HDAC6: variants seen among roughly 807,000 people sequenced by gnomAD.
HDAC6 encodes the protein histone deacetylase 6.
A neutral mutation model predicts 88.9 loss-of-function variants in HDAC6; 5 were observed. The ratio of observed to expected loss-of-function variants is 0.06; its 90% CI spans 0.03 to 0.12. The LOEUF is 0.12. Among genes scored for constraint, HDAC6 ranks in the 10% least tolerant of loss-of-function variants. HDAC6 has a pLI of 1.00. For missense variants in HDAC6, 706 were observed against 1,014.4 expected (o/e 0.70, Z 4.13); for synonymous variants, 378 against 398.0 (o/e 0.95, Z 0.60).
chrX:48,822,361 T>C (rs1557030213), intron 23 of HDAC6, among the ~76,000 whole-genome samples: 2 of 112,194 alleles, frequency 1.8e-5, no homozygotes. Flanking sequence ...AAACAATAAA[T>C]GTCAGCTGTT....
Position 48,823,549 on chromosome X carries a change from T to G in HDAC6, c.3150T>G (p.Ile1050Met). 8.3e-7 allele frequency: 1 copy of G among 1,209,853 alleles called. No homozygotes were observed. The highest frequency in any genetic ancestry group is 1.1e-6 in the Non-Finnish European group (1 of 894,585). ...CCCAGATATCTCCCAGTACACTGAT[T>G]GGGAGTCTCAGGACCTTGGAGCTAG... ...TTPQISPSTL[I>M]GSLRTLELGS... Residue 1050 changes from isoleucine to methionine, a missense_variant, in exon 25 of 29, where the codon ATT becomes ATG. This residue lies in a region of HDAC6 where 112 missense variants were observed against 95.1 expected (regional missense o/e 1.18). Transcript: ENST00000334136.
intron 22 of HDAC6, among the ~76,000 whole-genome samples, chrX:48,819,026 G>T (rs921304954): frequency 2.7e-5 from 3 of 112,210 alleles, no homozygotes; most frequent in African/African-American, 9.7e-5. Context: ...TGTGAGCACC[G>T]CTCTGTCACC....
At position 48,824,667 on chromosome X, in the gene HDAC6, GC is replaced by G. The variant is rs1490732524; in HGVS notation, c.*56del. On this transcript the variant is annotated 3_prime_UTR_variant, in exon 29 of 29. Coordinates refer to ENST00000334136, the MANE Select transcript of HDAC6 (RefSeq NM_006044.4). ...TGAGGCCCACGATAGACCAGCTGTAGCTCATTCCAGCCTGTACCTTGGATGA... is the reference window on the plus strand; with the variant it reads ...TGAGGCCCACGATAGACCAGCTGTAGTCATTCCAGCCTGTACCTTGGATGA... 1.7e-6 allele frequency: 2 copies of G among 1,185,513 alleles called. No homozygotes were observed. Among genetic ancestry groups the G allele is most frequent in the Admixed American group, 4.6e-5 (2 of 43,883 alleles).
At chrX:48,813,920 T>C (rs1557026452) in intron 10 of HDAC6, 1 of 113,600 alleles carries the variant, frequency 8.8e-6, no homozygotes. Context: ...GGCTTGAGGC[T>C]CTTTTCAGCC....
Position 48,816,641 on chromosome X carries a change from C to T in HDAC6, c.1791+8C>T, listed in dbSNP as rs1192272325. 5.0e-6 allele frequency: 6 copies of T among 1,196,888 alleles called. No homozygotes were observed. The Admixed American group carries it at 6.8e-5, about 14-fold the overall frequency. On this transcript the variant is annotated splice_region_variant and intron_variant, in intron 19 of 28. Transcript: ENST00000334136. ...GCTGTGCTCTCAGGAGAGGTGTGTC[C>T]TCTGTGGGCTGGGGAGAGGAGGACC...
chrX:48,816,222 C>T lies in HDAC6; in HGVS notation c.1575C>T (p.Thr525=), dbSNP rs1482274325. 4.1e-6 allele frequency: 5 copies of T among 1,209,653 alleles called. No homozygotes were observed. The highest frequency in any genetic ancestry group is 2.3e-4 in the Middle Eastern group (1 of 4,371). ...EELGLAGRCL[T]LTPRPATEAE... ...TGGGCCTTGCCGGGCGCTGCCTCACCCTGACACCGCGCCCTGCCACAGAGG... is the reference window on the plus strand; with the variant it reads ...TGGGCCTTGCCGGGCGCTGCCTCACTCTGACACCGCGCCCTGCCACAGAGG... Residue 525 remains threonine, a synonymous_variant, in exon 18 of 29, where the codon ACC becomes ACT. Coordinates refer to ENST00000334136, the MANE Select transcript of HDAC6 (RefSeq NM_006044.4).
chrX:48,814,692 T>C lies in HDAC6; in HGVS notation c.951T>C (p.Ala317=), dbSNP rs1490474686. Residue 317 remains alanine, a synonymous_variant, in exon 12 of 29, where the codon GCT becomes GCC. Coordinates refer to ENST00000334136, the MANE Select transcript of HDAC6 (RefSeq NM_006044.4). The part of the protein sequence containing the change: ...VPWNQVGMRD[A]DYIAAFLHVL... ...GTCTGCAGGTGGGGATGCGGGATGC[T>C]GACTACATTGCTGCTTTCCTGCACG... The C allele has an allele frequency of 2.5e-6, 3 of 1,211,045 alleles. No individual in the cohort carries two copies. The African/African-American group carries it at 5.2e-5, about 21-fold the overall frequency.
At chrX:48,816,937 GAGT>G in intron 19 of HDAC6, 2 of 300,113 alleles carry the variant, frequency 6.7e-6, no homozygotes, top group Non-Finnish European at 1.2e-5. Context: ...CTGGGCAACA[GAGT>G]GAGACCCTGT....
rs782318981 is a variant in HDAC6 at position 48,814,731 on chromosome X, C to T, written c.990C>T (p.Val330=). The change falls in exon 12 of 29, where the codon GTC becomes GTT. Residue 330 remains valine, a synonymous_variant. Transcript: ENST00000334136. ...CTTTCCTGCACGTCCTGCTGCCAGT[C>T]GCCCTCGAGGTCCTGGGGATCTGGG... ...IAAFLHVLLP[V]ALEFQPQLVL... is the part of the protein sequence containing the mutation. The T allele has an allele frequency of 1.1e-5, 13 of 1,209,426 alleles. No individual in the cohort carries two copies. The highest frequency in any genetic ancestry group is 6.5e-5 in the Admixed American group (3 of 45,850).
At chrX:48,811,330 C>T (rs1298081542) in intron 10 of HDAC6, among the ~76,000 whole-genome samples, 1 of 112,161 alleles carries the variant, frequency 8.9e-6, no homozygotes, top group African/African-American at 3.2e-5. Flanking sequence ...TAAGTTTCTT[C>T]TGTTGTCTGA....
intron 8 of HDAC6, 91 bp from the exon 9 acceptor site, chrX:48,807,939 TTGG>T (rs1437155200): frequency 3.4e-6 from 2 of 592,056 alleles, no homozygotes; most frequent in Admixed American, 6.0e-5. Context: ...ATTAAAGGAA[TTGG>T]TGGTCCAGGA....
chrX:48,802,299 G>A, intron 1 of HDAC6, 157 bp downstream of exon 1: 1 of 886,562 alleles, frequency 1.1e-6, no homozygotes, highest in Non-Finnish European at 1.4e-6. Flanking sequence ...GGTCTGGGCT[G>A]GGCTTAGAGG....
In HDAC6 at chrX:48,802,117, A is replaced by G; in HGVS notation, c.-56A>G. ...GAGGAGCGGGGCTGGTTGAAACGCT[A>G]GGGGCGGGATCTGGCGGAGTGGAAG... On this transcript the variant is annotated 5_prime_UTR_variant, in exon 1 of 29. Coordinates refer to ENST00000334136, the MANE Select transcript of HDAC6 (RefSeq NM_006044.4). 1 of 882,973 alleles carries G rather than the reference A, an allele frequency of 1.1e-6. No homozygotes were observed. The allele number at this position is 882,973 out of a possible 1,213,427, so 72.8% of individuals were successfully genotyped here.
chrX:48,816,723 A>T, intron 19 of HDAC6, 90 bp downstream of exon 19: 4 of 671,465 alleles, frequency 6.0e-6, no homozygotes, highest in Non-Finnish European at 8.1e-6. Context: ...GAGAGAGTCA[A>T]GCAGGGCCTG....
chrX:48,818,782 C>A (rs2063033315), intron 22 of HDAC6, among the ~76,000 whole-genome samples: 1 of 112,273 alleles, frequency 8.9e-6, no homozygotes, highest in African/African-American at 3.2e-5. Context: ...TATTTCTCAC[C>A]TTTTCTCTGT....
At chrX:48,806,272 G>T (rs2062815514) in intron 6 of HDAC6, 96 bp from the exon 7 acceptor site, 4 of 544,265 alleles carry the variant, frequency 7.3e-6, no homozygotes, top group South Asian at 2.6e-5. Flanking sequence ...TGACAGTTGG[G>T]GGAGCCAAGC....
chrX:48,807,876 G>A (rs1206215858), intron 8 of HDAC6, among the ~76,000 whole-genome samples, 157 bp from the exon 9 acceptor site: 2 of 111,378 alleles, frequency 1.8e-5, no homozygotes, highest in Non-Finnish European at 3.8e-5. Context: ...GGCAGGGGGT[G>A]AGAGTTTGAG....
intron 4 of HDAC6, among the ~76,000 whole-genome samples, chrX:48,804,901 G>A (rs2062788156): frequency 1.0e-5 from 1 of 99,312 alleles, no homozygotes; most frequent in Admixed American, 1.1e-4. Flanking sequence ...GTTGGAGGAA[G>A]AGTATTCTAG....
intron 4 of HDAC6, among the ~76,000 whole-genome samples, chrX:48,804,556 A>G (rs1442851703): frequency 8.9e-6 from 1 of 112,380 alleles, no homozygotes; most frequent in Non-Finnish European, 1.9e-5. Context: ...ATTAATATCT[A>G]TATCCCTTAT....
Sources: allele counts gnomAD v4.1 joint callset (sites outside exome capture counted in the v4.1 genomes callset), GRCh38; gene constraint gnomAD v4.1.1; regional missense constraint gnomAD v4.1.1; transcripts MANE v1.5; gene names NCBI Gene and HGNC (gene_info 2026-07-23, HGNC 2026-07-21).